B4GALNT1: variants seen among roughly 807,000 people sequenced by gnomAD.
B4GALNT1 encodes the protein beta-1,4-N-acetyl-galactosaminyltransferase 1.
Under a neutral mutation model 55.2 loss-of-function variants are expected in B4GALNT1, and 43 were observed. The observed-to-expected ratio is 0.78, with a 90% confidence interval of 0.61 to 1.00. The LOEUF (loss-of-function observed/expected upper bound fraction) is 1.00. B4GALNT1 is among the 50% of genes least tolerant of loss of function. The pLI is 0.00. For missense variants in B4GALNT1, 664 were observed against 729.7 expected (o/e 0.91, Z 1.04); for synonymous variants, 305 against 311.6 (o/e 0.98, Z 0.22).
At chr12:57,629,023 A>G (rs1885030323) in intron 7 of B4GALNT1, 25 bp downstream of exon 7, 1 of 1,588,008 alleles carries the variant, frequency 6.3e-7, no homozygotes. Context: ...TGGTTCTAAT[A>G]TGTCCCTGCC....
chr12:57,632,877 C>G lies in B4GALNT1; in HGVS notation c.-107G>C, dbSNP rs1447392682. On this transcript the variant is annotated 5_prime_UTR_variant, in exon 1 of 11. Coordinates refer to ENST00000341156, the MANE Select transcript of B4GALNT1 (RefSeq NM_001478.5). ...GGCTGGGGGCTGCCCGATGGGGGAG[C>G]TGGGCATGAGCCTGAGGGTGTGGGG... The G allele has an allele frequency of 2.0e-5, 3 of 152,686 alleles. No individual in the cohort carries two copies. The highest frequency in any genetic ancestry group is 4.4e-5 in the Non-Finnish European group (3 of 68,430). 9.5% of individuals were successfully genotyped at this position (152,686 alleles called of 1,614,324 possible). A position where few individuals can be genotyped will look rare whatever the true frequency, so the allele number is the denominator to read the frequency against.
rs765933732 is a variant in B4GALNT1, at chr12:57,631,325, C to G, written c.258G>C (p.Gly86=). ...TCTGGAAGGGGAGGGGGAGGCCCCC[C>G]CCACTGGACTCACAACTGCAGTTGT... ...AWNNCSCESS[G]GGLPLPFQKQ... is the part of the protein sequence containing the mutation. The change falls in exon 3 of 11, where the codon GGG becomes GGC. Residue 86 remains glycine, a synonymous_variant. Transcript: ENST00000341156. 5 of 1,614,014 alleles carry G rather than the reference C, an allele frequency of 3.1e-6. No individual in the cohort carries two copies. Among genetic ancestry groups the G allele is most frequent in the Admixed American group, 3.3e-5 (2 of 60,010 alleles).
chr12:57,623,886 G>A lies in B4GALNT1; in HGVS notation c.*2858C>T. On this transcript the variant is annotated 3_prime_UTR_variant, in exon 11 of 11. Transcript: ENST00000341156. ...TGGTCCTGTCGGTGCTGCTGTGGCT[G>A]GGGCCCTTCTTTTACTATCTGCCCA... The A allele has an allele frequency of 6.2e-7, 1 of 1,614,052 alleles. No homozygotes were observed. The highest frequency in any genetic ancestry group is 8.5e-7 in the Non-Finnish European group (1 of 1,179,986).
rs1884622348 is a variant in B4GALNT1 at position 57,623,917 on chromosome 12, A to G, written c.*2827T>C. ...CTTCTTTTACTATCTGCCCAAGGTAATGAGCAGAGGAGGCATGAGCATGGC... is the reference window on the plus strand; with the variant it reads ...CTTCTTTTACTATCTGCCCAAGGTAGTGAGCAGAGGAGGCATGAGCATGGC... On this transcript the variant is annotated 3_prime_UTR_variant, in exon 11 of 11. Transcript: ENST00000341156. The G allele has an allele frequency of 6.2e-7, 1 of 1,613,960 alleles. No individual in the cohort carries two copies. Among genetic ancestry groups the G allele is most frequent in the East Asian group, 2.2e-5 (1 of 44,880 alleles).
rs1425671672 is a variant in B4GALNT1 at position 57,628,791 on chromosome 12, C to T, written c.924G>A (p.Val308=). The change falls in exon 8 of 11, where the codon GTG becomes GTA. Residue 308 remains valine (V), a synonymous_variant. Coordinates refer to ENST00000341156, the MANE Select transcript of B4GALNT1 (RefSeq NM_001478.5). The part of the protein sequence containing the change: ...SIRRFYPTVT[V]VIADDSDKPE... ...GCTTGTCGCTGTCGTCAGCGATGAC[C>T]ACGGTAACCGTTGGGTAGAAGCGGC... is the stretch of plus-strand genomic sequence containing the variant. The T allele has an allele frequency of 6.2e-7, 1 of 1,614,230 alleles. No individual in the cohort carries two copies. The highest frequency in any genetic ancestry group is 1.1e-5 in the South Asian group (1 of 91,086).
In B4GALNT1 at chr12:57,627,730, G is replaced by T. The variant is rs143066025; in HGVS notation, c.1272C>A (p.Val424=). The T allele has an allele frequency of 2.6e-5, 42 of 1,611,570 alleles. No individual in the cohort carries two copies. The highest frequency in any genetic ancestry group is 3.3e-5 in the Non-Finnish European group (39 of 1,178,864). Residue 424 remains valine (V), a synonymous_variant, in exon 10 of 11, where the codon GTC becomes GTA. Transcript: ENST00000341156. ...CGGTGACCACGCAGCCTGGGAAGCCGACGAGCTCGTGGTGGAAGCCGCGCC... is the reference window on the plus strand; with the variant it reads ...CGGTGACCACGCAGCCTGGGAAGCCTACGAGCTCGTGGTGGAAGCCGCGCC... The part of the protein sequence containing the change: ...RQRRGFHHEL[V]GFPGCVVTDG...
At position 57,625,481 on chromosome 12, in the gene B4GALNT1, A is replaced by G; in HGVS notation, c.*1263T>C. Reference sequence around the variant, plus strand: ...AGTGTAATGGTGAGATGTGTGGAGAAGAGCGGGGCCCAGTGCCTGGGCAAT... The same window carrying G: ...AGTGTAATGGTGAGATGTGTGGAGAGGAGCGGGGCCCAGTGCCTGGGCAAT... On this transcript the variant is annotated 3_prime_UTR_variant, in exon 11 of 11. Coordinates refer to ENST00000341156, the MANE Select transcript of B4GALNT1 (RefSeq NM_001478.5). 2 of 1,614,190 alleles carry G rather than the reference A, an allele frequency of 1.2e-6. No individual in the cohort carries two copies. Among genetic ancestry groups the G allele is most frequent in the East Asian group, 2.2e-5 (1 of 44,878 alleles).
chr12:57,632,355 C>T (rs1885282343), intron 1 of B4GALNT1: 2 of 681,592 alleles, frequency 2.9e-6, no homozygotes, highest in Non-Finnish European at 5.3e-6. Flanking sequence ...TTCTCGCCCT[C>T]TCCTGCATCT....
At position 57,624,636 on chromosome 12, in the gene B4GALNT1, C is replaced by G. The variant is rs753689726; in HGVS notation, c.*2108G>C. On this transcript the variant is annotated 3_prime_UTR_variant, in exon 11 of 11. Coordinates refer to ENST00000341156, the MANE Select transcript of B4GALNT1 (RefSeq NM_001478.5). ...GCATAGAGATGAGTGGAGTTGAGGT[C>G]GGGGCAGGGGAAGAGAATGAGGTGC... is the stretch of plus-strand genomic sequence containing the variant. 1.7e-5 allele frequency: 12 copies of G among 714,630 alleles called. No homozygotes were observed. Among genetic ancestry groups the G allele is most frequent in the African/African-American group, 1.4e-4 (8 of 57,890 alleles). The allele number at this position is 714,630 out of a possible 1,614,324, so 44.3% of individuals were successfully genotyped here.
chr12:57,624,514 C>T lies in B4GALNT1; in HGVS notation c.*2230G>A, dbSNP rs749302770. On this transcript the variant is annotated 3_prime_UTR_variant, in exon 11 of 11. Transcript: ENST00000341156. ...CTATCCTGCAGGCTGTGTGGATGGT[C>T]ACCTGGGTGGCAGTAGTGACCCTGA... 3 of 627,642 alleles carry T rather than the reference C, an allele frequency of 4.8e-6. No individual in the cohort carries two copies. The highest frequency in any genetic ancestry group is 3.7e-5 in the East Asian group (1 of 26,764). 38.9% of individuals were successfully genotyped at this position (627,642 alleles called of 1,614,324 possible).
chr12:57,624,519 G>GGGTGTTCTTCAGT lies in B4GALNT1; in HGVS notation c.*2224_*2225insACTGAAGAACACC. 1 of 629,456 alleles carries GGGTGTTCTTCAGT rather than the reference G, an allele frequency of 1.6e-6. No homozygotes were observed. 39.0% of individuals were successfully genotyped at this position (629,456 alleles called of 1,614,324 possible). A position where few individuals can be genotyped will look rare whatever the true frequency, so the allele number is the denominator to read the frequency against. ...CTGCAGGCTGTGTGGATGGTCACCTGGGTGGCAGTAGTGACCCTGAGTGTG... is the reference window on the plus strand; with the variant it reads ...CTGCAGGCTGTGTGGATGGTCACCTGGGTGTTCTTCAGTGGTGGCAGTAGTGACCCTGAGTGTG... On this transcript the variant is annotated 3_prime_UTR_variant, in exon 11 of 11. Transcript: ENST00000341156.
chr12:57,631,385 G>A, intron 2 of B4GALNT1, 21 bp from the exon 3 acceptor site: 1 of 1,613,548 alleles, frequency 6.2e-7, no homozygotes, highest in South Asian at 1.1e-5. Context: ...TAGGTAGTGA[G>A]GGTCATCAGA....
In B4GALNT1 at chr12:57,632,047, T is replaced by C; in HGVS notation, c.86A>G (p.Asp29Gly). 1 of 1,443,098 alleles carries C rather than the reference T, an allele frequency of 6.9e-7. No individual in the cohort carries two copies. Among genetic ancestry groups the C allele is most frequent in the Non-Finnish European group, 9.1e-7 (1 of 1,096,598 alleles). The allele number at this position is 1,443,098 out of a possible 1,614,324, so 89.4% of individuals were successfully genotyped here. The change falls in exon 2 of 11, where the codon GAC becomes GGC. Residue 29 changes from aspartate (D) to glycine (G), a missense_variant. Coordinates refer to ENST00000341156, the MANE Select transcript of B4GALNT1 (RefSeq NM_001478.5). ...SLGLLYASTR[D>G]APGLRLPLAP... ...AAGAGGTAGCCGGAGGCCGGGCGCG[T>C]CCCGGGTGCTCGCGTACAGGAGCCC...
At chr12:57,632,505 G>A in intron 1 of B4GALNT1, 1 of 336,022 alleles carries the variant, frequency 3.0e-6, no homozygotes. Flanking sequence ...GCCCGCCCTG[G>A]CCGGCGCGCC....
chr12:57,624,720 C>A lies in B4GALNT1; in HGVS notation c.*2024G>T. 1.2e-6 allele frequency: 1 copy of A among 825,474 alleles called. No homozygotes were observed. The highest frequency in any genetic ancestry group is 2.2e-6 in the Non-Finnish European group (1 of 462,672). 51.1% of individuals were successfully genotyped at this position (825,474 alleles called of 1,614,324 possible). On this transcript the variant is annotated 3_prime_UTR_variant, in exon 11 of 11. Coordinates refer to ENST00000341156, the MANE Select transcript of B4GALNT1 (RefSeq NM_001478.5). ...TGGAAATCTGGCCCCACCTTCTTCC[C>A]TAGGGTGTAGTGCCTGGCACTTGGA... is the stretch of plus-strand genomic sequence containing the variant.
intron 6 of B4GALNT1, chr12:57,629,896 G>A: frequency 1.3e-6 from 2 of 1,533,014 alleles, no homozygotes; most frequent in South Asian, 1.2e-5. Context: ...TCTCTTCCTG[G>A]GGCCCCCCAC....
Position 57,625,456 on chromosome 12 carries a change from A to C in B4GALNT1, c.*1288T>G. ...GCTAGGATCCGCCTCCTCCTGGCTC[A>C]GTGTAATGGTGAGATGTGTGGAGAA... is the stretch of plus-strand genomic sequence containing the variant. On this transcript the variant is annotated 3_prime_UTR_variant, in exon 11 of 11. Coordinates refer to ENST00000341156, the MANE Select transcript of B4GALNT1 (RefSeq NM_001478.5). The C allele has an allele frequency of 6.2e-7, 1 of 1,614,142 alleles. No homozygotes were observed. The highest frequency in any genetic ancestry group is 8.5e-7 in the Non-Finnish European group (1 of 1,180,022).
In B4GALNT1 at chr12:57,623,908, C is replaced by T; in HGVS notation, c.*2836G>A. 6.2e-7 allele frequency: 1 copy of T among 1,613,938 alleles called. No homozygotes were observed. The highest frequency in any genetic ancestry group is 8.5e-7 in the Non-Finnish European group (1 of 1,179,930). On this transcript the variant is annotated 3_prime_UTR_variant, in exon 11 of 11. Transcript: ENST00000341156. ...GCTGGGGCCCTTCTTTTACTATCTG[C>T]CCAAGGTAATGAGCAGAGGAGGCAT...
At chr12:57,632,248 A>G (rs1048207733) in intron 1 of B4GALNT1, 115 bp from the exon 2 acceptor site, 8 of 990,066 alleles carry the variant, frequency 8.1e-6, no homozygotes, top group African/African-American at 8.1e-5. Context: ...AGCGCTCTCC[A>G]CTCCACACAT....
Sources: gnomAD v4.1 joint callset for allele counts on GRCh38, gnomAD v4.1.1 for gene constraint, MANE v1.5 for transcripts, NCBI Gene and HGNC (gene_info 2026-07-23, HGNC 2026-07-21) for gene names.